MTF2: variants seen among roughly 807,000 people sequenced by gnomAD.
MTF2 encodes metal-response element-binding transcription factor 2.
In MTF2, 11 loss-of-function variants were observed where a neutral mutation model predicts 79.5. The observed-to-expected ratio is 0.14, with a 90% CI of 0.09 to 0.23. The LOEUF is 0.23. Among genes scored for constraint, MTF2 ranks in the 10% least tolerant of loss-of-function variants. The pLI, the probability that MTF2 is intolerant of heterozygous loss-of-function variation, is 1.00. For missense variants in MTF2, 486 were observed against 711.2 expected, an observed-to-expected ratio of 0.68 and a Z score of 3.60; for synonymous variants, 208 against 232.8, an observed-to-expected ratio of 0.89 and a Z score of 0.97.
chr1:93,122,446 T>C (rs1287167988), intron 9 of MTF2, among the ~76,000 whole-genome samples: 1 of 152,140 alleles, frequency 6.6e-6, no homozygotes, highest in East Asian at 1.9e-4. Flanking sequence ...GCTGGAAATA[T>C]AAGAAAATGA....
At chr1:93,135,143 T>C (rs1367412015) in intron 14 of MTF2, among the ~76,000 whole-genome samples, 2 of 152,106 alleles carry the variant, frequency 1.3e-5, no homozygotes, top group Non-Finnish European at 2.9e-5. Context: ...GCTAACTTTT[T>C]GTATTTTTAA....
chr1:93,116,319 G>A (rs1656246967), intron 6 of MTF2, among the ~76,000 whole-genome samples: 1 of 151,886 alleles, frequency 6.6e-6, no homozygotes, highest in African/African-American at 2.4e-5. Flanking sequence ...ATGCTGGCCT[G>A]GAGTAGCATT....
At chr1:93,128,952 A>G (rs372669755) in intron 10 of MTF2, 2 of 173,750 alleles carry the variant, frequency 1.2e-5, no homozygotes, top group South Asian at 4.0e-4. Flanking sequence ...CTAACAGATG[A>G]CACTAAATAT....
At chr1:93,103,868 C>G (rs1655650686) in intron 1 of MTF2, among the ~76,000 whole-genome samples, 1 of 152,102 alleles carries the variant, frequency 6.6e-6, no homozygotes, top group Non-Finnish European at 1.5e-5. Context: ...GTAATTTACT[C>G]TTTTCTTGCT....
intron 1 of MTF2, among the ~76,000 whole-genome samples, chr1:93,093,326 A>C (rs183525076): frequency 1.3e-5 from 2 of 152,312 alleles, no homozygotes; most frequent in South Asian, 2.1e-4. Flanking sequence ...TAAAATCTTC[A>C]TACATCTTCA....
intron 1 of MTF2, among the ~76,000 whole-genome samples, chr1:93,094,019 C>T (rs1655180419): frequency 6.6e-6 from 1 of 152,210 alleles, no homozygotes; most frequent in Non-Finnish European, 1.5e-5. Flanking sequence ...TTATTATTCT[C>T]AGTCCCTTGT....
chr1:93,130,088 C>T (rs1404221471), intron 11 of MTF2, among the ~76,000 whole-genome samples: 3 of 152,230 alleles, frequency 2.0e-5, no homozygotes, highest in Middle Eastern at 6.8e-3. Context: ...GCAGAAACAG[C>T]AAGTGCAAAG....
intron 8 of MTF2, 139 bp from the exon 9 acceptor site, chr1:93,120,410 T>C: frequency 1.6e-6 from 1 of 637,098 alleles, no homozygotes; most frequent in Non-Finnish European, 2.4e-6. Flanking sequence ...TTATGTGTAG[T>C]GATTTATTGT....
chr1:93,080,479 A>G (rs1654560352), intron 1 of MTF2, among the ~76,000 whole-genome samples: 2 of 152,286 alleles, frequency 1.3e-5, no homozygotes, highest in South Asian at 4.1e-4. Context: ...ATGGAATGTT[A>G]CTCTATTCTT....
chr1:93,084,700 T>A (rs580828), intron 1 of MTF2, among the ~76,000 whole-genome samples: 120,313 of 152,002 alleles, frequency 0.79, 50,788 homozygotes, highest in East Asian at 0.93. Context: ...TTCTCGAACT[T>A]CTTCTGTTAA....
At chr1:93,115,210 G>A (rs972270581) in intron 5 of MTF2, 122 bp downstream of exon 5, 17 of 757,428 alleles carry the variant, frequency 2.2e-5, no homozygotes, top group Non-Finnish European at 3.5e-5. Context: ...GGTAGAAAGA[G>A]GTGCTATTTA....
At chr1:93,088,128 G>C in intron 1 of MTF2, among the ~76,000 whole-genome samples, 1 of 152,016 alleles carries the variant, frequency 6.6e-6, no homozygotes, top group Non-Finnish European at 1.5e-5. Context: ...TTTCTCGTTG[G>C]TCTTAGGACC....
intron 12 of MTF2, 34 bp downstream of exon 12, chr1:93,133,842 G>T (rs766342174): frequency 9.7e-6 from 15 of 1,552,620 alleles, no homozygotes; most frequent in Non-Finnish European, 1.3e-5. Flanking sequence ...TTCTCAAGAA[G>T]AAGGATGCAT....
At chr1:93,095,711 A>G (rs917873656) in intron 1 of MTF2, among the ~76,000 whole-genome samples, 6 of 139,532 alleles carry the variant, frequency 4.3e-5, no homozygotes, top group Non-Finnish European at 9.1e-5. Context: ...GCTGGAGTGC[A>G]GTGGTGTGAT....
Position 93,123,258 on chromosome 1 carries a change from C to A in MTF2, c.921+2586C>A, listed in dbSNP as rs61690932. ...AGAGACAGGACAGGAGAGTCTCTCT[C>A]TCTCTTTTTTTTTTTTTAAGAGACC... is the stretch of plus-strand genomic sequence containing the variant. On this transcript the variant is annotated intron_variant, in intron 9 of 14. Coordinates refer to ENST00000370298, the MANE Select transcript of MTF2 (RefSeq NM_007358.4). 1.8e-4 allele frequency among the ~76,000 whole-genome samples: 22 copies of A among 120,212 alleles called. 1 individual carries two copies. The highest frequency in any genetic ancestry group is 3.4e-4 in the Non-Finnish European group (19 of 55,542). 78.9% of individuals were successfully genotyped at this position (120,212 alleles called of 152,430 possible).
At chr1:93,080,742 T>G (rs12128131) in intron 1 of MTF2, among the ~76,000 whole-genome samples, 74,424 of 151,104 alleles carry the variant, frequency 0.49, 22,033 homozygotes, top group South Asian at 0.68. Context: ...ATTTCCATGG[T>G]TTCATTCTCT....
chr1:93,087,285 C>G (rs1402209340), intron 1 of MTF2, among the ~76,000 whole-genome samples: 1 of 152,064 alleles, frequency 6.6e-6, no homozygotes. Context: ...TAAAAAAGGC[C>G]TTAAGGCTGG....
intron 1 of MTF2, among the ~76,000 whole-genome samples, chr1:93,082,214 A>G (rs1161753974): frequency 6.6e-6 from 1 of 152,198 alleles, no homozygotes; most frequent in South Asian, 2.1e-4. Flanking sequence ...AACTTAAGGA[A>G]TATTTCAAAC....
Position 93,136,673 on chromosome 1 carries a change from A to G in MTF2, c.1428A>G (p.Leu476=), listed in dbSNP as rs377699594. 71 of 1,611,982 alleles carry G rather than the reference A, an allele frequency of 4.4e-5. No individual in the cohort carries two copies. The highest frequency in any genetic ancestry group is 5.8e-5 in the Non-Finnish European group (68 of 1,179,080). The change falls in exon 15 of 15, where the codon TTA becomes TTG. Residue 476 remains leucine (L), a synonymous_variant. Coordinates refer to ENST00000370298, the MANE Select transcript of MTF2 (RefSeq NM_007358.4). ...TSSSISRHYG[L]SDSRKRTRTG... is the part of the protein sequence containing the mutation. ...TCTGGCCTTCTCTGTTACATAGATTATCTGACTCCAGAAAAAGAACGCGTA... is the reference window on the plus strand; with the variant it reads ...TCTGGCCTTCTCTGTTACATAGATTGTCTGACTCCAGAAAAAGAACGCGTA...
Sources: allele counts gnomAD v4.1 joint callset (sites outside exome capture counted in the v4.1 genomes callset), GRCh38; gene constraint gnomAD v4.1.1; transcripts MANE v1.5; gene names NCBI Gene and HGNC (gene_info 2026-07-23, HGNC 2026-07-21).